Variants in WBP4 observed in about 807,000 individuals in gnomAD.
WBP4 encodes the protein WW domain-binding protein 4.
In WBP4, 37 loss-of-function variants were observed where a neutral mutation model predicts 55.4. That is an observed-to-expected ratio of 0.67 (90% confidence interval 0.51 to 0.88). The LOEUF (loss-of-function observed/expected upper bound fraction) is 0.88, where lower values mean the gene tolerates loss of function less well. Ranked by LOEUF, WBP4 falls within the 40% of genes least tolerant of loss-of-function variation. The pLI, the probability that WBP4 is intolerant of heterozygous loss-of-function variation, is 0.00. For synonymous variants in WBP4, 142 were observed against 140.2 expected (o/e 1.01, Z -0.09); for missense variants, 398 against 420.8 (o/e 0.95, Z 0.47).
intron 8 of WBP4, among the ~76,000 whole-genome samples, chr13:41,078,038 A>C (rs529662646): frequency 6.6e-6 from 1 of 152,340 alleles, no homozygotes; most frequent in East Asian, 1.9e-4. Context: ...GGATTGGAAG[A>C]ATCAATATCA....
At chr13:41,075,464 C>T (rs1342889767) in intron 7 of WBP4, among the ~76,000 whole-genome samples, 1 of 152,150 alleles carries the variant, frequency 6.6e-6, no homozygotes, top group African/African-American at 2.4e-5. Context: ...TCACTGCAGC[C>T]TCTATTTCCT....
intron 1 of WBP4, chr13:41,062,043 G>A: frequency 1.0e-6 from 1 of 983,214 alleles, no homozygotes; most frequent in Non-Finnish European, 1.2e-6. Flanking sequence ...AACTAGGGCT[G>A]GGCTGCGGCC....
In WBP4 at chr13:41,061,687, C is replaced by A; in HGVS notation, c.2+12C>A. 1.9e-6 allele frequency: 3 copies of A among 1,614,034 alleles called. No individual in the cohort carries two copies. The highest frequency in any genetic ancestry group is 8.5e-7 in the Non-Finnish European group (1 of 1,180,024). ...GCTGGCGCAGTCATGTGAGTTGGGT[C>A]TCAGGCCCTGAACAACGAGGTGTTG... On this transcript the variant is annotated intron_variant, in intron 1 of 9. Coordinates refer to ENST00000379487, the MANE Select transcript of WBP4 (RefSeq NM_007187.5).
intron 8 of WBP4, among the ~76,000 whole-genome samples, chr13:41,077,877 A>G (rs553507806): frequency 1.3e-5 from 2 of 152,220 alleles, no homozygotes; most frequent in Non-Finnish European, 2.9e-5. Flanking sequence ...AACCAAATAA[A>G]AAACTCAATC....
chr13:41,061,992 C>T, intron 1 of WBP4: 2 of 960,788 alleles, frequency 2.1e-6, no homozygotes, highest in Non-Finnish European at 2.5e-6. Context: ...TCGCATGCAC[C>T]CCTTGGGTTT....
intron 7 of WBP4, among the ~76,000 whole-genome samples, 179 bp downstream of exon 7, chr13:41,073,036 A>G (rs1406191645): frequency 1.3e-5 from 2 of 152,218 alleles, no homozygotes; most frequent in Non-Finnish European, 2.9e-5. Flanking sequence ...AAAGATTTAT[A>G]TTCGTATTAT....
Position 41,076,232 on chromosome 13 carries a change from T to C in WBP4, c.751T>C (p.Phe251Leu). The change falls in exon 8 of 10, where the codon TTT becomes CTT. Residue 251 changes from phenylalanine to leucine, a missense_variant. Physicochemically the swap from Phe to Leu is conservative, Grantham distance 22. Coordinates refer to ENST00000379487, the MANE Select transcript of WBP4 (RefSeq NM_007187.5). ...STETEKPKIK[F>L]KEKNKNSDGG... ...AGAGACAGAAAAGCCAAAAATAAAG[T>C]TTAAGGTAGGTTTTTAAATTTTACT... 2.5e-6 allele frequency: 4 copies of C among 1,570,112 alleles called. No homozygotes were observed. Among genetic ancestry groups the C allele is most frequent in the Non-Finnish European group, 3.4e-6 (4 of 1,167,782 alleles).
At chr13:41,072,963 C>A in intron 7 of WBP4, 106 bp downstream of exon 7, 2 of 807,558 alleles carry the variant, frequency 2.5e-6, no homozygotes, top group Non-Finnish European at 3.9e-6. Flanking sequence ...ATACAATAAA[C>A]ATATTTGTGT....
chr13:41,073,499 G>A (rs1878341041), intron 7 of WBP4, among the ~76,000 whole-genome samples: 1 of 148,670 alleles, frequency 6.7e-6, no homozygotes, highest in Non-Finnish European at 1.5e-5. Flanking sequence ...GGCAACAAGA[G>A]CAAAACTCTG....
In WBP4 at chr13:41,065,285, C is replaced by T; in HGVS notation, c.260C>T (p.Ser87Leu). ...QEDLKRLGLE[S>L]EILEPSITPV... The stretch of plus-strand genomic sequence containing the variant: ...GATTTGAAAAGACTTGGCTTAGAGT[C>T]AGGTAAAAAAAAAAAAAAAAAAAAA... Residue 87 changes from serine (S) to leucine (L), a missense_variant and splice_region_variant, in exon 4 of 10, where the codon TCA becomes TTA. Ser to Leu is a moderately radical substitution (Grantham distance 145). Coordinates refer to ENST00000379487, the MANE Select transcript of WBP4 (RefSeq NM_007187.5). 2 of 1,247,226 alleles carry T rather than the reference C, an allele frequency of 1.6e-6. No individual in the cohort carries two copies. The highest frequency in any genetic ancestry group is 2.1e-6 in the Non-Finnish European group (2 of 948,318). 77.3% of individuals were successfully genotyped at this position (1,247,226 alleles called of 1,614,324 possible). A position where few individuals can be genotyped will look rare whatever the true frequency, so the allele number is the denominator to read the frequency against.
chr13:41,072,716 T>A (rs901986463), intron 6 of WBP4, 66 bp from the exon 7 acceptor site: 63 of 1,454,240 alleles, frequency 4.3e-5, no homozygotes, highest in African/African-American at 7.1e-5. Context: ...TGGCTGACTG[T>A]CTGAGTTATT....
chr13:41,083,274 AT>A lies in WBP4; in HGVS notation c.*362del, dbSNP rs1236720429. The A allele has an allele frequency of 5.4e-6, 1 of 186,322 alleles. No individual in the cohort carries two copies. Among genetic ancestry groups the A allele is most frequent in the Non-Finnish European group, 1.1e-5 (1 of 88,042 alleles). 11.5% of individuals were successfully genotyped at this position (186,322 alleles called of 1,614,324 possible). A position where few individuals can be genotyped will look rare whatever the true frequency, so the allele number is the denominator to read the frequency against. On this transcript the variant is annotated 3_prime_UTR_variant, in exon 10 of 10. Transcript: ENST00000379487. The stretch of plus-strand genomic sequence containing the variant: ...CATTGAAAATGCATTACTTTTGCAC[AT>A]TGATATTAACTGTTGTCCAACAAAT...
chr13:41,083,277 G>T lies in WBP4; in HGVS notation c.*363G>T, dbSNP rs750910640. 42 of 181,094 alleles carry T rather than the reference G, an allele frequency of 2.3e-4. No individual in the cohort carries two copies. The highest frequency in any genetic ancestry group is 4.2e-4 in the Non-Finnish European group (36 of 84,870). 11.2% of individuals were successfully genotyped at this position (181,094 alleles called of 1,614,324 possible). A position where few individuals can be genotyped will look rare whatever the true frequency, so the allele number is the denominator to read the frequency against. Reference sequence around the variant, plus strand: ...TGAAAATGCATTACTTTTGCACATTGATATTAACTGTTGTCCAACAAATAA... The same window carrying T: ...TGAAAATGCATTACTTTTGCACATTTATATTAACTGTTGTCCAACAAATAA... On this transcript the variant is annotated 3_prime_UTR_variant, in exon 10 of 10. Transcript: ENST00000379487.
chr13:41,076,273 T>A (rs1878487157), intron 8 of WBP4, 36 bp downstream of exon 8: 11 of 743,440 alleles, frequency 1.5e-5, no homozygotes, highest in East Asian at 4.0e-5. Flanking sequence ...CATCAAATTT[T>A]TTTTTTTTTT....
rs1593421626 is a variant in WBP4 at position 41,061,578 on chromosome 13, T to A, written c.-96T>A. 1.3e-6 allele frequency: 2 copies of A among 1,592,292 alleles called. No individual in the cohort carries two copies. The highest frequency in any genetic ancestry group is 2.2e-5 in the East Asian group (1 of 44,654). ...TGTCTGGATCGGAGGGAGGTTCGGG[T>A]GGGCATCGGGCGGCTGGAAGAGCTC... On this transcript the variant is annotated 5_prime_UTR_variant, in exon 1 of 10. Transcript: ENST00000379487.
chr13:41,074,174 G>A (rs372145912), intron 7 of WBP4, among the ~76,000 whole-genome samples: 13 of 152,050 alleles, frequency 8.5e-5, no homozygotes, highest in African/African-American at 2.7e-4. Flanking sequence ...CTCGTGATCC[G>A]CCCGCCTCGG....
Position 41,061,643 on chromosome 13 carries a change from C to T in WBP4, c.-31C>T, listed in dbSNP as rs767359787. On this transcript the variant is annotated 5_prime_UTR_variant, in exon 1 of 10. Transcript: ENST00000379487. ...GGAAAGCGCGAGTCTGAGTGGAACC[C>T]TGGACGACTTGCAGAGCGGCTGGCG... 7 of 1,614,024 alleles carry T rather than the reference C, an allele frequency of 4.3e-6. No individual in the cohort carries two copies. The highest frequency in any genetic ancestry group is 5.9e-6 in the Non-Finnish European group (7 of 1,180,036).
Position 41,061,667 on chromosome 13 carries a change from C to T in WBP4, c.-7C>T, listed in dbSNP as rs199616317. ...CCTGGACGACTTGCAGAGCGGCTGG[C>T]GCAGTCATGTGAGTTGGGTCTCAGG... On this transcript the variant is annotated 5_prime_UTR_variant, in exon 1 of 10. Coordinates refer to ENST00000379487, the MANE Select transcript of WBP4 (RefSeq NM_007187.5). 6 of 1,611,262 alleles carry T rather than the reference C, an allele frequency of 3.7e-6. No individual in the cohort carries two copies. In the African/African-American group the frequency reaches 4.0e-5, roughly 11 times the overall value.
chr13:41,080,649 A>T lies in WBP4; in HGVS notation c.760A>T (p.Lys254Ter), dbSNP rs1304688184. Reference sequence around the variant, plus strand: ...TTTCTTGGCTTTTACATTTCAGGAAAAAAATAAAAATAGTGATGGAGGAAG... The same window carrying T: ...TTTCTTGGCTTTTACATTTCAGGAATAAAATAAAAATAGTGATGGAGGAAG... ...TEKPKIKFKE[K>*]NKNSDGGSDP... Residue 254 changes from lysine to a stop codon, truncating the protein, a stop_gained, in exon 9 of 10, where the codon AAA becomes TAA. Transcript: ENST00000379487. LOFTEE classifies it high-confidence loss of function. 6.3e-7 allele frequency: 1 copy of T among 1,576,120 alleles called. No homozygotes were observed. The highest frequency in any genetic ancestry group is 8.5e-7 in the Non-Finnish European group (1 of 1,170,738).
Sources: allele counts gnomAD v4.1 joint callset (sites outside exome capture counted in the v4.1 genomes callset), GRCh38; gene constraint gnomAD v4.1.1; transcripts MANE v1.5; gene names NCBI Gene and HGNC (gene_info 2026-07-23, HGNC 2026-07-21).